Variants in SLC8A1 observed in about 807,000 individuals in gnomAD.
SLC8A1 encodes the protein sodium/calcium exchanger 1.
SLC8A1 carries 18 observed loss-of-function variants against 68.3 expected under a neutral mutation model. The observed-to-expected ratio is 0.26, with a 90% CI of 0.18 to 0.39. The LOEUF is 0.39. Among genes scored for constraint, SLC8A1 ranks in the 10% least tolerant of loss-of-function variants. The pLI is 1.00. For synonymous variants in SLC8A1, 475 were observed against 415.5 expected (o/e 1.14, Z -1.74); for missense variants, 985 against 1,156.7 (o/e 0.85, Z 2.15).
At chr2:40,386,262 T>C (rs1041210401) in intron 2 of SLC8A1, among the ~76,000 whole-genome samples, 1 of 151,370 alleles carries the variant, frequency 6.6e-6, no homozygotes, top group African/African-American at 2.5e-5. Context: ...TATTATTTTA[T>C]TTTAGTTTAG....
At chr2:40,474,753 A>G (rs983126504) in intron 1 of SLC8A1, among the ~76,000 whole-genome samples, 1 of 152,214 alleles carries the variant, frequency 6.6e-6, no homozygotes, top group African/African-American at 2.4e-5. Flanking sequence ...TATTGAGTAA[A>G]TCCAGGCAGT....
At chr2:40,180,981 T>C (rs963322238) in intron 2 of SLC8A1, among the ~76,000 whole-genome samples, 2 of 152,060 alleles carry the variant, frequency 1.3e-5, no homozygotes, top group Non-Finnish European at 2.9e-5. Flanking sequence ...TTTGTTGAGA[T>C]GGAGTCTCAC....
intron 1 of SLC8A1, among the ~76,000 whole-genome samples, chr2:40,451,133 A>G (rs1417019013): frequency 6.6e-6 from 1 of 152,214 alleles, no homozygotes; most frequent in Non-Finnish European, 1.5e-5. Context: ...GGAGCCAAAA[A>G]GGATATCTTC....
At chr2:40,165,741 A>T (rs903048251) in intron 4 of SLC8A1, among the ~76,000 whole-genome samples, 2 of 152,184 alleles carry the variant, frequency 1.3e-5, no homozygotes, top group Non-Finnish European at 2.9e-5. Flanking sequence ...CTTACAGTCC[A>T]GGAGAGGACG....
At chr2:40,200,507 T>A (rs2054155798) in intron 2 of SLC8A1, among the ~76,000 whole-genome samples, 1 of 150,912 alleles carries the variant, frequency 6.6e-6, no homozygotes, top group African/African-American at 2.4e-5. Context: ...AGGGCCAGAA[T>A]CCATATGGGC....
At chr2:40,449,644 G>C (rs373434109) in intron 1 of SLC8A1, among the ~76,000 whole-genome samples, 5 of 149,168 alleles carry the variant, frequency 3.4e-5, no homozygotes, top group Non-Finnish European at 5.9e-5. Flanking sequence ...AATCTGAAAC[G>C]TTACAGTAGG....
rs535730556 is a variant in SLC8A1, at chr2:40,330,398, T to C, written c.1808+98075A>G. On this transcript the variant is annotated intron_variant, in intron 2 of 7. Coordinates refer to ENST00000406785, the Ensembl canonical transcript of SLC8A1. ...TTGAAAACTATGTGTGTTGTTGGAC[T>C]AAACGTAAGAAAAGAACAAAACCAA... 3.9e-5 allele frequency among the ~76,000 whole-genome samples: 6 copies of C among 152,332 alleles called. No individual in the cohort carries two copies. The East Asian group carries it at 1.2e-3, about 29-fold the overall frequency.
chr2:40,164,291 A>G (rs1468933720), intron 5 of SLC8A1, among the ~76,000 whole-genome samples: 5 of 152,238 alleles, frequency 3.3e-5, no homozygotes, highest in African/African-American at 1.2e-4. Flanking sequence ...ATCCAATTTT[A>G]TCAGCTCAAC....
chr2:40,188,766 T>C (rs971477477), intron 2 of SLC8A1, among the ~76,000 whole-genome samples: 2 of 152,220 alleles, frequency 1.3e-5, no homozygotes, highest in African/African-American at 4.8e-5. Flanking sequence ...AAAATTCATA[T>C]TCTCTTTCTC....
At chr2:40,334,721 C>T (rs1038248065) in intron 2 of SLC8A1, among the ~76,000 whole-genome samples, 2 of 152,086 alleles carry the variant, frequency 1.3e-5, no homozygotes, top group African/African-American at 4.8e-5. Context: ...GATCATTGAT[C>T]AAATGACGTG....
intron 2 of SLC8A1, among the ~76,000 whole-genome samples, chr2:40,311,679 T>C (rs2073703992): frequency 6.6e-6 from 1 of 152,140 alleles, no homozygotes. Flanking sequence ...TATAAGGATT[T>C]AGTTTCTATA....
At chr2:40,098,579 T>C (rs904938691) in exon 8 of SLC8A1, 3 of 152,042 alleles carry the variant, frequency 2.0e-5, no homozygotes, top group African/African-American at 7.2e-5. Flanking sequence ...TCATTAATGT[T>C]GGTGCCTTTA....
At chr2:40,429,717 A>G (rs1255821412) in exon 2 of SLC8A1, 2 of 1,613,870 alleles carry the variant, frequency 1.2e-6, no homozygotes, top group East Asian at 4.5e-5. Flanking sequence ...CAGGCACCAC[A>G]TAAACACAGA....
At chr2:40,225,231 G>A (rs1225732276) in intron 2 of SLC8A1, among the ~76,000 whole-genome samples, 5 of 152,162 alleles carry the variant, frequency 3.3e-5, no homozygotes, top group Non-Finnish European at 5.9e-5. Flanking sequence ...ATTATGGCTA[G>A]TTGTGTGACT....
At chr2:40,387,124 C>A (rs1683819004) in intron 2 of SLC8A1, among the ~76,000 whole-genome samples, 1 of 151,564 alleles carries the variant, frequency 6.6e-6, no homozygotes, top group South Asian at 2.1e-4. Context: ...CCTCACAGAG[C>A]ATTGGACCTC....
intron 2 of SLC8A1, among the ~76,000 whole-genome samples, chr2:40,334,062 C>CA (rs1173632051): frequency 6.6e-6 from 1 of 152,034 alleles, no homozygotes; most frequent in South Asian, 2.1e-4. Context: ...ACAACAACAA[C>CA]AAAAAAACAA....
chr2:40,397,929 T>C (rs1475225790), intron 2 of SLC8A1, among the ~76,000 whole-genome samples: 1 of 152,174 alleles, frequency 6.6e-6, no homozygotes, highest in East Asian at 1.9e-4. Flanking sequence ...TGCTGCCTTA[T>C]GGAGAATGGC....
intron 2 of SLC8A1, among the ~76,000 whole-genome samples, chr2:40,187,301 G>T (rs1280374112): frequency 1.3e-5 from 2 of 152,158 alleles, no homozygotes; most frequent in African/African-American, 2.4e-5. Context: ...CTGACAAACG[G>T]TGGTGGTGCT....
At chr2:40,440,261 C>G (rs1406165040) in intron 1 of SLC8A1, among the ~76,000 whole-genome samples, 14 of 152,200 alleles carry the variant, frequency 9.2e-5, no homozygotes, top group Admixed American at 7.9e-4. Context: ...AGATTATTGT[C>G]TTTTGGTGAC....
Sources: allele counts gnomAD v4.1 joint callset (sites outside exome capture counted in the v4.1 genomes callset), GRCh38; gene constraint gnomAD v4.1.1; transcripts MANE v1.5; gene names NCBI Gene and HGNC (gene_info 2026-07-23, HGNC 2026-07-21).